The following DLG2 variants were observed in gnomAD, a reference collection of about 807,000 sequenced individuals.
DLG2 encodes discs large MAGUK scaffold protein 2.
DLG2 carries 45 observed loss-of-function variants against 132.5 expected under a neutral mutation model. The observed-to-expected ratio is 0.34, with a 90% CI of 0.27 to 0.44. The LOEUF is 0.44. Among genes scored for constraint, DLG2 ranks in the 20% least tolerant of loss-of-function variants. The pLI is 1.00. For missense variants in DLG2, 1,045 were observed against 1,196.9 expected (o/e 0.87, Z 1.87); for synonymous variants, 424 against 419.6 (o/e 1.01, Z -0.13).
In DLG2 at chr11:84,506,079, C is replaced by CTTTTTTTTTTTTTTTTTTTTTTTTTT. The variant is rs779039240; in HGVS notation, c.519+28490_519+28491insAAAAAAAAAAAAAAAAAAAAAAAAAA. On this transcript the variant is annotated intron_variant, in intron 7 of 27. Transcript: ENST00000376104. ...CTAATGTTATGACAGAGGCTCAGTT[C>CTTTTTTTTTTTTTTTTTTTTTTTTTT]TTTTTTTTTTTTTTGAGACGGAGTC... is the stretch of plus-strand genomic sequence containing the variant. Among the ~76,000 whole-genome samples, 73 of 107,024 alleles carry CTTTTTTTTTTTTTTTTTTTTTTTTTT rather than the reference C, an allele frequency of 6.8e-4. 24 individuals carry two copies. Among genetic ancestry groups the CTTTTTTTTTTTTTTTTTTTTTTTTTT allele is most frequent in the African/African-American group, 3.4e-3 (68 of 19,738 alleles). The allele number at this position is 107,024 out of a possible 152,430, so 70.2% of individuals were successfully genotyped here.
intron 18 of DLG2, among the ~76,000 whole-genome samples, chr11:83,687,305 A>G (rs1055777886): frequency 1.3e-5 from 2 of 152,304 alleles, no homozygotes; most frequent in Non-Finnish European, 2.9e-5. Context: ...ACATGAGGAA[A>G]TCGCAGCTGA....
At chr11:85,547,363 T>A (rs746425419) in intron 3 of DLG2, among the ~76,000 whole-genome samples, 3 of 152,248 alleles carry the variant, frequency 2.0e-5, no homozygotes, top group African/African-American at 4.8e-5. Context: ...GATCTACTGT[T>A]AGTCTATGGG....
intron 6 of DLG2, among the ~76,000 whole-genome samples, chr11:84,737,512 G>A (rs546444280): frequency 1.3e-5 from 2 of 151,906 alleles, no homozygotes; most frequent in African/African-American, 4.8e-5. Context: ...CAGAGAGAGA[G>A]AGAGAGAGAG....
At chr11:84,534,399 T>C (rs2099350449) in intron 7 of DLG2, among the ~76,000 whole-genome samples, 171 bp downstream of exon 7, 1 of 152,162 alleles carries the variant, frequency 6.6e-6, no homozygotes, top group East Asian at 1.9e-4. Flanking sequence ...TAAAAATATG[T>C]CCCAAAAATA....
intron 7 of DLG2, among the ~76,000 whole-genome samples, chr11:84,262,068 TC>T (rs1167072812): frequency 6.6e-6 from 1 of 152,136 alleles, no homozygotes; most frequent in African/African-American, 2.4e-5. Context: ...TGCTTATTCT[TC>T]CCTATTCCTC....
At chr11:85,427,151 T>C (rs904290686) in intron 3 of DLG2, among the ~76,000 whole-genome samples, 8 of 152,184 alleles carry the variant, frequency 5.3e-5, no homozygotes, top group African/African-American at 1.9e-4. Flanking sequence ...CTACATCGAT[T>C]GGTGTACCTG....
intron 5 of DLG2, among the ~76,000 whole-genome samples, chr11:85,120,742 T>C (rs2074206651): frequency 1.3e-5 from 2 of 152,038 alleles, no homozygotes; most frequent in African/African-American, 4.8e-5. Context: ...CTTGCTGGCA[T>C]AGATAATAAA....
intron 17 of DLG2, among the ~76,000 whole-genome samples, chr11:83,830,263 G>A (rs1299458701): frequency 6.6e-6 from 1 of 152,122 alleles, no homozygotes; most frequent in Non-Finnish European, 1.5e-5. Context: ...ATTCTGATTG[G>A]TTGCCTTATT....
At chr11:84,123,368 T>C (rs903507162) in intron 9 of DLG2, among the ~76,000 whole-genome samples, 7 of 152,204 alleles carry the variant, frequency 4.6e-5, no homozygotes, top group Non-Finnish European at 1.0e-4. Flanking sequence ...ATTCTCTTTA[T>C]AATGCAAAAG....
At chr11:85,531,678 T>C (rs1294458250) in intron 3 of DLG2, among the ~76,000 whole-genome samples, 1 of 152,122 alleles carries the variant, frequency 6.6e-6, no homozygotes, top group Non-Finnish European at 1.5e-5. Flanking sequence ...CGTAGACACC[T>C]GTGAAGGCAT....
intron 3 of DLG2, among the ~76,000 whole-genome samples, chr11:85,523,148 A>T (rs1565631220): frequency 6.6e-6 from 1 of 152,162 alleles, no homozygotes; most frequent in Non-Finnish European, 1.5e-5. Flanking sequence ...TGCTATTCTC[A>T]TGACAATGAA....
rs542258923 is a variant in DLG2 at position 84,433,850 on chromosome 11, C to G, written c.519+100720G>C. 2.0e-5 allele frequency among the ~76,000 whole-genome samples: 3 copies of G among 152,236 alleles called. No individual in the cohort carries two copies. The East Asian group carries it at 5.8e-4, about 29-fold the overall frequency. On this transcript the variant is annotated intron_variant, in intron 7 of 27. Coordinates refer to ENST00000376104, the MANE Select transcript of DLG2 (RefSeq NM_001142699.3). ...AATAATAGGTGTCCCAGCATGGTGG[C>G]TCATGCCTGTAATCCCAGCACTTTG...
chr11:85,604,154 G>A (rs957629306), intron 2 of DLG2, among the ~76,000 whole-genome samples: 9 of 152,104 alleles, frequency 5.9e-5, no homozygotes, highest in South Asian at 2.1e-4. Flanking sequence ...GCCTCTCATC[G>A]CTGTAGGATA....
intron 18 of DLG2, among the ~76,000 whole-genome samples, chr11:83,753,556 C>A (rs889544188): frequency 4.6e-5 from 7 of 150,544 alleles, no homozygotes; most frequent in African/African-American, 1.5e-4. Context: ...AGGAGAAATG[C>A]AAAATTCATA....
intron 21 of DLG2, among the ~76,000 whole-genome samples, chr11:83,503,366 CATTTATAT>C (rs1565510230): frequency 2.1e-5 from 1 of 47,066 alleles, no homozygotes; most frequent in African/African-American, 5.5e-5. Context: ...CACACACACC[CATTTATAT>C]ATATATATAT....
At chr11:85,076,688 A>G (rs950862519) in intron 6 of DLG2, among the ~76,000 whole-genome samples, 4 of 152,038 alleles carry the variant, frequency 2.6e-5, no homozygotes, top group African/African-American at 9.7e-5. Context: ...ATTGCTAGGC[A>G]GGCACATGTA....
chr11:83,908,910 T>A (rs2075549714), intron 15 of DLG2, among the ~76,000 whole-genome samples: 1 of 152,102 alleles, frequency 6.6e-6, no homozygotes, highest in Non-Finnish European at 1.5e-5. Context: ...TTTAAAACAT[T>A]TTTTCATAGA....
At chr11:84,887,756 T>C (rs890508242) in intron 6 of DLG2, among the ~76,000 whole-genome samples, 2 of 152,118 alleles carry the variant, frequency 1.3e-5, no homozygotes, top group African/African-American at 4.8e-5. Context: ...TTCTAGAGAT[T>C]GGGAGAGGAG....
intron 15 of DLG2, among the ~76,000 whole-genome samples, chr11:83,911,994 A>G (rs769891358): frequency 6.6e-6 from 1 of 152,084 alleles, no homozygotes; most frequent in Non-Finnish European, 1.5e-5. Context: ...GAAAAAAAAG[A>G]ATTATTGAAA....
Sources: allele counts gnomAD v4.1 joint callset (sites outside exome capture counted in the v4.1 genomes callset), GRCh38; gene constraint gnomAD v4.1.1; transcripts MANE v1.5; gene names NCBI Gene and HGNC (gene_info 2026-07-23, HGNC 2026-07-21).